Variants in C14orf39 observed in about 807,000 individuals in gnomAD.
The protein encoded by C14orf39 is protein SIX6OS1.
C14orf39 carries 66 observed loss-of-function variants against 85.6 expected under a neutral mutation model. That is an observed-to-expected ratio of 0.77 (90% CI 0.63 to 0.95). The LOEUF (loss-of-function observed/expected upper bound fraction) is 0.95. C14orf39 is among the 40% of genes least tolerant of loss of function. C14orf39 has a pLI of 0.00. For missense variants in C14orf39, 735 were observed against 663.9 expected (o/e 1.11, Z -1.18); for synonymous variants, 242 against 214.0 (o/e 1.13, Z -1.14).
At position 60,437,017 on chromosome 14, in the gene C14orf39, T is replaced by C. The variant is rs1208106128; in HGVS notation, c.1592A>G (p.Asp531Gly). 2 of 1,609,288 alleles carry C rather than the reference T, an allele frequency of 1.2e-6. No homozygotes were observed. Among genetic ancestry groups the C allele is most frequent in the Non-Finnish European group, 1.7e-6 (2 of 1,178,254 alleles). The change falls in exon 18 of 18, where the codon GAT becomes GGT. Residue 531 changes from aspartate to glycine, a missense_variant. Transcript: ENST00000321731. ...GNLLEKPEGE[D>G]GFTFSFPSDT... ...TGATGGAAAAGAAAATGTAAAGCCA[T>C]CTTCTCCTTCTGGCTTCTCAAGTAA...
chr14:60,475,521 A>C (rs1892328706), intron 5 of C14orf39, among the ~76,000 whole-genome samples: 1 of 152,210 alleles, frequency 6.6e-6, no homozygotes. Context: ...AATCAAAAGA[A>C]TATTCCATAA....
intron 1 of C14orf39, among the ~76,000 whole-genome samples, chr14:60,485,643 T>C (rs947163448): frequency 6.6e-6 from 1 of 152,166 alleles, no homozygotes; most frequent in Non-Finnish European, 1.5e-5. Flanking sequence ...GGTTCCTGTC[T>C]ACCGTGCCCC....
chr14:60,491,459 C>G lies in C14orf39; in HGVS notation c.-8-6373G>C, dbSNP rs1438942832. On this transcript the variant is annotated intron_variant, in intron 2 of 5. Coordinates refer to the C14orf39 transcript ENST00000556799. The surrounding 1 kb of genome is among the most constrained non-coding windows in gnomAD (Gnocchi z 4.5). ...TGGAGGGACACAAACATTCAAACCA[C>G]AGCACAAGCTCAAACACAGCTCATG... Among the ~76,000 whole-genome samples the G allele has an allele frequency of 6.6e-6, 1 of 152,192 alleles. No individual in the cohort carries two copies. The highest frequency in any genetic ancestry group is 1.5e-5 in the Non-Finnish European group (1 of 68,032).
chr14:60,450,186 A>G (rs1473600608), intron 16 of C14orf39, among the ~76,000 whole-genome samples: 1 of 152,226 alleles, frequency 6.6e-6, no homozygotes, highest in Non-Finnish European at 1.5e-5. Flanking sequence ...ACTAGGTACC[A>G]GCTCAGCCAC....
intron 16 of C14orf39, among the ~76,000 whole-genome samples, chr14:60,446,872 C>T (rs2140037822): frequency 6.6e-6 from 1 of 152,290 alleles, no homozygotes; most frequent in South Asian, 2.1e-4. Flanking sequence ...GGCTTCATCC[C>T]TAGGATGCAA....
rs777816702 is a variant in C14orf39, at chr14:60,436,870, T to G, written c.1739A>C (p.Asn580Thr). The G allele has an allele frequency of 3.7e-6, 6 of 1,611,014 alleles. No homozygotes were observed. In the South Asian group the frequency reaches 6.6e-5, roughly 18 times the overall value. Residue 580 changes from asparagine (N) to threonine (T), a missense_variant, in exon 18 of 18, where the codon AAT becomes ACT. Asn to Thr is a moderately conservative substitution (Grantham distance 65). Coordinates refer to ENST00000321731, the MANE Select transcript of C14orf39 (RefSeq NM_174978.3). ...SLKGFSSSSQNTTQFTFF is the reference protein window; with the variant it reads ...SLKGFSSSSQTTTQFTFF ...TCAAAAAAAAGTAAACTGTGTTGTA[T>G]TTTGTGAGGAAGATGAAAAACCTTT...
chr14:60,443,679 A>G (rs1890629121), intron 16 of C14orf39, among the ~76,000 whole-genome samples: 1 of 152,228 alleles, frequency 6.6e-6, no homozygotes, highest in African/African-American at 2.4e-5. Flanking sequence ...TGGTTCTCCC[A>G]GTATGGCATT....
At chr14:60,479,837 AT>A (rs1892558135) in intron 4 of C14orf39, among the ~76,000 whole-genome samples, 1 of 152,178 alleles carries the variant, frequency 6.6e-6, no homozygotes, top group South Asian at 2.1e-4. Context: ...ATGTTCATTC[AT>A]ATGGATATAC....
At chr14:60,514,937 G>A (rs1421617803) in intron 1 of C14orf39, among the ~76,000 whole-genome samples, 2 of 152,166 alleles carry the variant, frequency 1.3e-5, no homozygotes, top group African/African-American at 4.8e-5. Context: ...GCGTAATCAG[G>A]GCTAATGACG....
intron 1 of C14orf39, chr14:60,509,798 T>C: frequency 6.2e-7 from 1 of 1,613,304 alleles, no homozygotes; most frequent in South Asian, 1.1e-5. Context: ...GAAGACACAC[T>C]GCTTCAAGGA....
chr14:60,498,180 T>G (rs1266101658), intron 2 of C14orf39, among the ~76,000 whole-genome samples: 5 of 152,230 alleles, frequency 3.3e-5, no homozygotes, highest in Non-Finnish European at 7.4e-5. Context: ...CTTATACAGA[T>G]TTTGTTTTCC....
Position 60,453,664 on chromosome 14 carries a change from C to T in C14orf39, c.1503+1337G>A, listed in dbSNP as rs190301296. On this transcript the variant is annotated intron_variant, in intron 16 of 17. Transcript: ENST00000321731. ...TGTGGGGTTGAATTTTTTAGAATTT[C>T]GTTTTAATTTATCATCAATCTTATT... Among the ~76,000 whole-genome samples, 1,102 of 151,302 alleles carry T rather than the reference C, an allele frequency of 7.3e-3. 18 individuals carry two copies. Among genetic ancestry groups the T allele is most frequent in the African/African-American group, 0.026 (1,065 of 41,364 alleles).
intron 16 of C14orf39, 114 bp downstream of exon 16, chr14:60,454,887 T>C: frequency 1.2e-6 from 1 of 815,234 alleles, no homozygotes; most frequent in Non-Finnish European, 1.8e-6. Context: ...CAGAATTTTT[T>C]TAAATGCTTC....
intron 1 of C14orf39, among the ~76,000 whole-genome samples, chr14:60,514,222 TC>T (rs754257291): frequency 9.9e-5 from 15 of 152,200 alleles, no homozygotes; most frequent in Non-Finnish European, 1.9e-4. Flanking sequence ...ATTCTGGTCT[TC>T]AGGGTTTTGG....
chr14:60,471,526 A>T, intron 6 of C14orf39, 26 bp downstream of exon 6: 2 of 1,575,018 alleles, frequency 1.3e-6, no homozygotes, highest in Non-Finnish European at 1.7e-6. Flanking sequence ...ATCATAATTA[A>T]AACAATATAA....
chr14:60,473,228 C>T (rs1892191328), intron 5 of C14orf39, among the ~76,000 whole-genome samples: 1 of 152,132 alleles, frequency 6.6e-6, no homozygotes, highest in African/African-American at 2.4e-5. Context: ...TGTTCATATC[C>T]TTCACCCACT....
At chr14:60,453,360 T>G (rs1022562894) in intron 16 of C14orf39, among the ~76,000 whole-genome samples, 2 of 149,776 alleles carry the variant, frequency 1.3e-5, no homozygotes, top group Admixed American at 6.6e-5. Context: ...GATATTAATA[T>G]AGCTACTGTG....
At chr14:60,514,508 C>T (rs1005083822) in intron 1 of C14orf39, among the ~76,000 whole-genome samples, 5 of 152,100 alleles carry the variant, frequency 3.3e-5, no homozygotes, top group Non-Finnish European at 7.3e-5. Context: ...AACGACGGCC[C>T]CTGCTCCCCA....
At chr14:60,457,154 A>G in intron 14 of C14orf39, 59 bp from the exon 15 acceptor site, 1 of 1,089,736 alleles carries the variant, frequency 9.2e-7, no homozygotes, top group Non-Finnish European at 1.3e-6. Context: ...AATGACATAC[A>G]TAAAAATGCA....
Sources: allele counts gnomAD v4.1 joint callset (sites outside exome capture counted in the v4.1 genomes callset), GRCh38; gene constraint gnomAD v4.1.1; non-coding constraint Gnocchi (gnomAD v3.1); transcripts MANE v1.5; gene names NCBI Gene and HGNC (gene_info 2026-07-23, HGNC 2026-07-21).